SLC31A2: variants seen among roughly 807,000 people sequenced by gnomAD.
The protein encoded by SLC31A2 is protein SLC31A2.
In SLC31A2, 16 loss-of-function variants were observed where a neutral mutation model predicts 14.4. The ratio of observed to expected loss-of-function variants is 1.11; its 90% confidence interval spans 0.75 to 1.69. The LOEUF (loss-of-function observed/expected upper bound fraction) is 1.69. Among genes scored for constraint, SLC31A2 ranks in the 40% most tolerant of loss-of-function variants. The pLI is 0.00. For synonymous variants in SLC31A2, 56 were observed against 68.7 expected, an observed-to-expected ratio of 0.82 and a Z score of 0.91; for missense variants, 140 against 173.9, an observed-to-expected ratio of 0.81 and a Z score of 1.10.
chr9:113,154,834 C>T (rs1243837022), intron 1 of SLC31A2, among the ~76,000 whole-genome samples: 1 of 152,188 alleles, frequency 6.6e-6, no homozygotes, highest in East Asian at 1.9e-4. Context: ...TCTTACTGTC[C>T]CATCCCCAGA....
chr9:113,153,595 A>G (rs1257716184), intron 1 of SLC31A2, among the ~76,000 whole-genome samples: 1 of 152,212 alleles, frequency 6.6e-6, no homozygotes, highest in Non-Finnish European at 1.5e-5. Flanking sequence ...AAAGAGGTTA[A>G]TAATAGTAGG....
intron 2 of SLC31A2, among the ~76,000 whole-genome samples, chr9:113,160,405 C>G (rs951284333): frequency 1.3e-5 from 2 of 152,082 alleles, no homozygotes; most frequent in East Asian, 3.8e-4. Context: ...TTGGGGTACA[C>G]GTGATATTTT....
chr9:113,159,170 G>T (rs1043528714), intron 2 of SLC31A2, among the ~76,000 whole-genome samples: 2 of 152,044 alleles, frequency 1.3e-5, no homozygotes, highest in Non-Finnish European at 2.9e-5. Flanking sequence ...AGTCTCTGTC[G>T]CCCAGGCTGG....
At chr9:113,155,974 G>C (rs760103132) in intron 1 of SLC31A2, 4 of 509,384 alleles carry the variant, frequency 7.9e-6, no homozygotes, top group Admixed American at 2.0e-5. Context: ...CTGTTGAGAG[G>C]GGGAGGATTG....
At chr9:113,153,067 C>T (rs926938899) in intron 1 of SLC31A2, among the ~76,000 whole-genome samples, 8 of 151,692 alleles carry the variant, frequency 5.3e-5, no homozygotes, top group Non-Finnish European at 1.0e-4. Context: ...ATTGTTTGTA[C>T]CTGTTTGGTT....
chr9:113,153,816 C>G (rs1486441857), intron 1 of SLC31A2, among the ~76,000 whole-genome samples: 2 of 152,172 alleles, frequency 1.3e-5, no homozygotes, highest in East Asian at 3.9e-4. Flanking sequence ...ACAAGTCAGA[C>G]CCCTTTTGGC....
rs953443494 is a variant in SLC31A2, at chr9:113,164,027, G to GA, written c.*1114dup. 6 of 152,644 alleles carry GA rather than the reference G, an allele frequency of 3.9e-5. No individual in the cohort carries two copies. The highest frequency in any genetic ancestry group is 1.3e-4 in the Admixed American group (2 of 15,278). The allele number at this position is 152,644 out of a possible 1,614,324, so 9.5% of individuals were successfully genotyped here. A position where few individuals can be genotyped will look rare whatever the true frequency, so the allele number is the denominator to read the frequency against. On this transcript the variant is annotated 3_prime_UTR_variant, in exon 4 of 4. Coordinates refer to ENST00000259392, the MANE Select transcript of SLC31A2 (RefSeq NM_001860.3). Reference sequence around the variant, plus strand: ...TTCACTTTATAAAAAAGGAAAGAGAGAAAATCACTGCTGTATACTAAATAC... The same window carrying GA: ...TTCACTTTATAAAAAAGGAAAGAGAGAAAAATCACTGCTGTATACTAAATAC...
At chr9:113,155,655 C>G (rs1274272720) in intron 1 of SLC31A2, among the ~76,000 whole-genome samples, 1 of 152,188 alleles carries the variant, frequency 6.6e-6, no homozygotes, top group Non-Finnish European at 1.5e-5. Flanking sequence ...CTTATTTTGT[C>G]TAATTCCAGT....
chr9:113,155,296 A>C (rs1001137094), intron 1 of SLC31A2, among the ~76,000 whole-genome samples: 1 of 152,254 alleles, frequency 6.6e-6, no homozygotes, highest in East Asian at 1.9e-4. Flanking sequence ...GAGAGCAGTT[A>C]GGAGCACAGA....
chr9:113,159,836 A>G (rs577103325), intron 2 of SLC31A2, among the ~76,000 whole-genome samples: 4 of 152,316 alleles, frequency 2.6e-5, no homozygotes, highest in South Asian at 4.1e-4. Flanking sequence ...GTTGGGATCA[A>G]TTATTTGATA....
At chr9:113,156,165 C>A (rs1405432326) in intron 1 of SLC31A2, 1 of 517,366 alleles carries the variant, frequency 1.9e-6, no homozygotes, top group Admixed American at 1.9e-5. Flanking sequence ...CACCGGAACT[C>A]CTTTTCTGTA....
rs538971568 is a variant in SLC31A2, at chr9:113,163,895, A to C, written c.*978A>C. On this transcript the variant is annotated 3_prime_UTR_variant, in exon 4 of 4. Coordinates refer to ENST00000259392, the MANE Select transcript of SLC31A2 (RefSeq NM_001860.3). ...TCTAGTGGGGAAACATGATTCATTCACTTAAAATACTGATTAAGCCATGGG... is the reference window on the plus strand; with the variant it reads ...TCTAGTGGGGAAACATGATTCATTCCCTTAAAATACTGATTAAGCCATGGG... The C allele has an allele frequency of 9.5e-6, 1 of 105,422 alleles. No homozygotes were observed. Among genetic ancestry groups the C allele is most frequent in the East Asian group, 3.0e-4 (1 of 3,380 alleles). The allele number at this position is 105,422 out of a possible 1,614,324, so 6.5% of individuals were successfully genotyped here.
At position 113,162,912 on chromosome 9, in the gene SLC31A2, G is replaced by A; in HGVS notation, c.427G>A (p.Ala143Thr). ...CCTAGCTTACCCACTTCTCAGCACA[G>A]CTTAGCTGGTGAGGAACGTGCAGGC... ...YYLAYPLLST[A>T] Residue 143 changes from alanine to threonine, a missense_variant, in exon 4 of 4, where the codon GCT becomes ACT. Physicochemically the swap from Ala to Thr is moderately conservative, Grantham distance 58. Transcript: ENST00000259392. The A allele has an allele frequency of 1.2e-6, 2 of 1,607,346 alleles. No homozygotes were observed. Among genetic ancestry groups the A allele is most frequent in the East Asian group, 2.2e-5 (1 of 44,488 alleles).
chr9:113,163,297 G>T lies in SLC31A2; in HGVS notation c.*380G>T, dbSNP rs1587943826. ...TTGGTGATGCAGGGCATGGAACCTG[G>T]ACACCCTCAGCTCTCCTGCTTTGTG... is the stretch of plus-strand genomic sequence containing the variant. On this transcript the variant is annotated 3_prime_UTR_variant, in exon 4 of 4. Coordinates refer to ENST00000259392, the MANE Select transcript of SLC31A2 (RefSeq NM_001860.3). 2 of 159,906 alleles carry T rather than the reference G, an allele frequency of 1.3e-5. No individual in the cohort carries two copies. The highest frequency in any genetic ancestry group is 3.7e-4 in the East Asian group (2 of 5,418). 9.9% of individuals were successfully genotyped at this position (159,906 alleles called of 1,614,324 possible).
chr9:113,163,824 A>G lies in SLC31A2; in HGVS notation c.*907A>G, dbSNP rs976249427. ...CAAAAAGCTGCATCTAATAATGTTC[A>G]ATACTTAATATTCTCTATTTATTAC... On this transcript the variant is annotated 3_prime_UTR_variant, in exon 4 of 4. Transcript: ENST00000259392. 5.2e-5 allele frequency: 8 copies of G among 152,642 alleles called. No homozygotes were observed. The allele number at this position is 152,642 out of a possible 1,614,324, so 9.5% of individuals were successfully genotyped here. A position where few individuals can be genotyped will look rare whatever the true frequency, so the allele number is the denominator to read the frequency against.
chr9:113,160,497 A>G (rs539728856), intron 2 of SLC31A2, among the ~76,000 whole-genome samples: 1 of 152,382 alleles, frequency 6.6e-6, no homozygotes, highest in South Asian at 2.1e-4. Flanking sequence ...TGTGTTGGGA[A>G]CATTACAATT....
chr9:113,160,568 TACA>T (rs1252499899), intron 2 of SLC31A2, among the ~76,000 whole-genome samples: 1 of 152,236 alleles, frequency 6.6e-6, no homozygotes, highest in African/African-American at 2.4e-5. Flanking sequence ...TACTGTCGAA[TACA>T]ACAACTTATT....
chr9:113,156,189 C>T (rs772283411), intron 1 of SLC31A2: 25 of 514,114 alleles, frequency 4.9e-5, no homozygotes, highest in Middle Eastern at 5.9e-4. Context: ...ACTGATGGCC[C>T]CCACAGCCTT....
At chr9:113,155,999 A>G (rs766797145) in intron 1 of SLC31A2, 1 of 517,994 alleles carries the variant, frequency 1.9e-6, no homozygotes, top group Non-Finnish European at 3.9e-6. Flanking sequence ...CGACTAGAAC[A>G]TGCAAGGCCT....
Sources: allele counts gnomAD v4.1 joint callset (sites outside exome capture counted in the v4.1 genomes callset), GRCh38; gene constraint gnomAD v4.1.1; transcripts MANE v1.5; gene names NCBI Gene and HGNC (gene_info 2026-07-23, HGNC 2026-07-21).